The following ETV1 variants were observed in gnomAD, a reference collection of about 807,000 sequenced individuals.
ETV1 encodes the protein ETS variant transcription factor 1.
A neutral mutation model predicts 62.3 loss-of-function variants in ETV1; 27 were observed. The ratio of observed to expected loss-of-function variants is 0.43; its 90% confidence interval spans 0.32 to 0.60. ETV1 has a LOEUF of 0.60. Among genes scored for constraint, ETV1 ranks in the 20% least tolerant of loss-of-function variants. ETV1 has a pLI of 0.06. For synonymous variants in ETV1, 222 were observed against 199.6 expected, an observed-to-expected ratio of 1.11 and a Z score of -0.94; for missense variants, 605 against 605.8, an observed-to-expected ratio of 1.00 and a Z score of 0.01.
chr7:13,931,434 C>T, intron 9 of ETV1, 68 bp downstream of exon 9: 1 of 1,584,966 alleles, frequency 6.3e-7, no homozygotes, highest in African/African-American at 1.3e-5. Flanking sequence ...CTGATACCAA[C>T]ACTAACCAAT....
At chr7:13,910,582 T>C in intron 10 of ETV1, 1 of 268,076 alleles carries the variant, frequency 3.7e-6, no homozygotes, top group Non-Finnish European at 5.7e-6. Context: ...AAAGAATGCA[T>C]CCAAGTCAAT....
At chr7:13,952,640 C>T (rs960567851) in intron 6 of ETV1, among the ~76,000 whole-genome samples, 14 of 152,082 alleles carry the variant, frequency 9.2e-5, no homozygotes, top group South Asian at 2.1e-4. Flanking sequence ...AATTTGACTA[C>T]GGGGACCCCC....
At chr7:13,947,061 C>T (rs1788249323) in intron 6 of ETV1, among the ~76,000 whole-genome samples, 1 of 152,310 alleles carries the variant, frequency 6.6e-6, no homozygotes, top group South Asian at 2.1e-4. Flanking sequence ...TAGGCGTGAG[C>T]CACCACACCT....
At chr7:13,952,641 G>A (rs531865748) in intron 6 of ETV1, among the ~76,000 whole-genome samples, 222 of 152,192 alleles carry the variant, frequency 1.5e-3, no homozygotes, top group African/African-American at 3.3e-3. Context: ...ATTTGACTAC[G>A]GGGACCCCCC....
intron 5 of ETV1, among the ~76,000 whole-genome samples, chr7:13,982,316 T>C (rs909987255): frequency 1.3e-5 from 2 of 152,062 alleles, no homozygotes; most frequent in African/African-American, 4.8e-5. Context: ...AAAGTTATAC[T>C]ACAAAATGTA....
chr7:13,986,824 G>C (rs907261011), intron 4 of ETV1, 139 bp from the exon 5 acceptor site: 28 of 677,320 alleles, frequency 4.1e-5, no homozygotes, highest in Non-Finnish European at 5.7e-5. Context: ...AAAAAAAAGA[G>C]GCATAACTTA....
intron 6 of ETV1, among the ~76,000 whole-genome samples, chr7:13,954,243 T>A (rs1360508380): frequency 2.0e-5 from 3 of 152,228 alleles, no homozygotes; most frequent in African/African-American, 7.2e-5. Context: ...TAATCAGTGA[T>A]GCAAATACTT....
At chr7:13,926,660 C>T (rs771017692) in intron 9 of ETV1, among the ~76,000 whole-genome samples, 1 of 151,956 alleles carries the variant, frequency 6.6e-6, no homozygotes, top group South Asian at 2.1e-4. Context: ...CCAACAACAA[C>T]AAAAAATGTG....
In ETV1 at chr7:13,894,559, G is replaced by A. The variant is rs1781610100; in HGVS notation, c.*1307C>T. The A allele has an allele frequency of 4.3e-6, 1 of 232,344 alleles. No homozygotes were observed. The highest frequency in any genetic ancestry group is 2.2e-5 in the African/African-American group (1 of 45,276). The allele number at this position is 232,344 out of a possible 1,614,324, so 14.4% of individuals were successfully genotyped here. A position where few individuals can be genotyped will look rare whatever the true frequency, so the allele number is the denominator to read the frequency against. ...ACAAAAGGTTCCACAGTTTCCTTTA[G>A]CAAGCTGAAGCTTACTCTTCATTTG... On this transcript the variant is annotated 3_prime_UTR_variant, in exon 14 of 14. Transcript: ENST00000430479.
At chr7:13,968,551 G>A (rs980170239) in intron 6 of ETV1, among the ~76,000 whole-genome samples, 5 of 150,680 alleles carry the variant, frequency 3.3e-5, no homozygotes, top group African/African-American at 7.3e-5. Context: ...CTTATATTCC[G>A]TATACTTACA....
intron 6 of ETV1, among the ~76,000 whole-genome samples, chr7:13,957,078 ATTTATTT>A (rs1789551476): frequency 6.6e-6 from 1 of 151,574 alleles, no homozygotes; most frequent in South Asian, 2.1e-4. Context: ...TTATTTATTT[ATTTATTT>A]TTTATTTTTA....
chr7:13,895,765 T>A lies in ETV1; in HGVS notation c.*101A>T, dbSNP rs1781708606. 2.4e-6 allele frequency: 2 copies of A among 822,110 alleles called. No homozygotes were observed. The highest frequency in any genetic ancestry group is 3.5e-5 in the African/African-American group (2 of 57,680). The allele number at this position is 822,110 out of a possible 1,614,324, so 50.9% of individuals were successfully genotyped here. A position where few individuals can be genotyped will look rare whatever the true frequency, so the allele number is the denominator to read the frequency against. The stretch of plus-strand genomic sequence containing the variant: ...CTTTTTGTGTATTATTATTTAAAAA[T>A]AAAATACAAACAACAGAAATAAAAC... On this transcript the variant is annotated 3_prime_UTR_variant, in exon 14 of 14. Transcript: ENST00000430479.
chr7:13,974,243 G>A (rs1017915029), intron 6 of ETV1, among the ~76,000 whole-genome samples: 1 of 152,160 alleles, frequency 6.6e-6, no homozygotes, highest in African/African-American at 2.4e-5. Flanking sequence ...AAAGCAAAAT[G>A]AACACATGCA....
Position 13,891,889 on chromosome 7 carries a change from T to C in ETV1, c.*3977A>G, listed in dbSNP as rs1193697847. The C allele has an allele frequency of 4.3e-6, 1 of 231,414 alleles. No homozygotes were observed. The highest frequency in any genetic ancestry group is 8.5e-6 in the Non-Finnish European group (1 of 117,022). The allele number at this position is 231,414 out of a possible 1,614,324, so 14.3% of individuals were successfully genotyped here. A position where few individuals can be genotyped will look rare whatever the true frequency, so the allele number is the denominator to read the frequency against. ...TATTTTTAAATTTTAGTTTTTGTTTTCTAGGATTCCAAGTAACAAACATCC... is the reference window on the plus strand; with the variant it reads ...TATTTTTAAATTTTAGTTTTTGTTTCCTAGGATTCCAAGTAACAAACATCC... On this transcript the variant is annotated 3_prime_UTR_variant, in exon 14 of 14. Coordinates refer to ENST00000430479, the MANE Select transcript of ETV1 (RefSeq NM_004956.5).
chr7:13,942,854 T>A (rs144238797), intron 6 of ETV1, among the ~76,000 whole-genome samples: 2 of 152,182 alleles, frequency 1.3e-5, no homozygotes, highest in Non-Finnish European at 2.9e-5. Flanking sequence ...TTTATCAAAA[T>A]GTCAGCCATA....
chr7:13,959,846 G>A (rs534105286), intron 6 of ETV1, among the ~76,000 whole-genome samples: 1 of 124,250 alleles, frequency 8.0e-6, no homozygotes, highest in South Asian at 2.6e-4. Context: ...TAACACCACT[G>A]CCCTCCAGCC....
At chr7:13,963,680 T>A (rs955451554) in intron 6 of ETV1, among the ~76,000 whole-genome samples, 2 of 152,146 alleles carry the variant, frequency 1.3e-5, no homozygotes, top group Non-Finnish European at 2.9e-5. Flanking sequence ...TTGTATATAT[T>A]AGCCTGCTTA....
intron 9 of ETV1, among the ~76,000 whole-genome samples, chr7:13,928,202 T>C (rs1785651157): frequency 6.6e-6 from 1 of 152,190 alleles, no homozygotes; most frequent in Non-Finnish European, 1.5e-5. Context: ...TAAAATCTCT[T>C]TTCCATTAGG....
At chr7:13,908,935 A>C (rs1028735918) in intron 11 of ETV1, among the ~76,000 whole-genome samples, 1 of 152,080 alleles carries the variant, frequency 6.6e-6, no homozygotes. Flanking sequence ...TTAACTGTTT[A>C]CTTTTTACCC....
Sources: gnomAD v4.1 joint callset for allele counts (sites outside exome capture counted in the v4.1 genomes callset) on GRCh38, gnomAD v4.1.1 for gene constraint, MANE v1.5 for transcripts, NCBI Gene and HGNC (gene_info 2026-07-23, HGNC 2026-07-21) for gene names.